SLC38A1: variants seen among roughly 807,000 people sequenced by gnomAD.
The protein encoded by SLC38A1 is sodium-coupled neutral amino acid symporter 1.
SLC38A1 carries 18 observed loss-of-function variants against 60.3 expected under a neutral mutation model. The observed-to-expected ratio is 0.30, with a 90% CI of 0.21 to 0.44. The LOEUF (loss-of-function observed/expected upper bound fraction) is 0.44, where lower values mean the gene tolerates loss of function less well. Among genes scored for constraint, SLC38A1 ranks in the 20% least tolerant of loss-of-function variants. The pLI, the probability that SLC38A1 is intolerant of heterozygous loss-of-function variation, is 1.00. For synonymous variants in SLC38A1, 196 were observed against 212.1 expected (o/e 0.92, Z 0.66); for missense variants, 448 against 587.2 (o/e 0.76, Z 2.45).
intron 2 of SLC38A1, among the ~76,000 whole-genome samples, chr12:46,241,150 G>GT (rs201849000): frequency 2.2e-4 from 34 of 151,942 alleles, no homozygotes; most frequent in South Asian, 4.1e-4. Flanking sequence ...CAATGAGCTG[G>GT]TTTTTTTTAA....
At chr12:46,215,113 C>T (rs1469012679) in intron 5 of SLC38A1, among the ~76,000 whole-genome samples, 2 of 152,172 alleles carry the variant, frequency 1.3e-5, no homozygotes, top group Non-Finnish European at 2.9e-5. Context: ...GTCCACTGAC[C>T]TCCCTGGAAG....
chr12:46,211,409 T>C (rs1458702605), intron 5 of SLC38A1, among the ~76,000 whole-genome samples: 1 of 152,046 alleles, frequency 6.6e-6, no homozygotes, highest in African/African-American at 2.4e-5. Flanking sequence ...GGGATAATTA[T>C]GAATATCTAC....
chr12:46,205,152 T>C (rs902230624), intron 9 of SLC38A1, among the ~76,000 whole-genome samples: 1 of 152,176 alleles, frequency 6.6e-6, no homozygotes, highest in African/African-American at 2.4e-5. Context: ...ATTGCTACCA[T>C]GACCTCCAGA....
Position 46,197,771 on chromosome 12 carries a change from A to C in SLC38A1, c.1311T>G (p.Leu437=), listed in dbSNP as rs1208797116. 1 of 1,602,374 alleles carries C rather than the reference A, an allele frequency of 6.2e-7. No homozygotes were observed. The highest frequency in any genetic ancestry group is 8.5e-7 in the Non-Finnish European group (1 of 1,177,052). ...NMLIFILPSS[L]YLKITDQDGD... is the part of the protein sequence containing the mutation. ...CATCCTGGTCTGTGATTTTTAAATA[A>C]AGAGATGAAGGAAGAATGAAAATAA... is the stretch of plus-strand genomic sequence containing the variant. The change falls in exon 16 of 17, where the codon CTT becomes CTG. Residue 437 remains leucine (L), a synonymous_variant. Coordinates refer to ENST00000398637, the MANE Select transcript of SLC38A1 (RefSeq NM_030674.4).
chr12:46,193,459 G>C (rs1939230454), intron 16 of SLC38A1, among the ~76,000 whole-genome samples: 1 of 152,192 alleles, frequency 6.6e-6, no homozygotes, highest in Non-Finnish European at 1.5e-5. Flanking sequence ...GCTTGGTGCA[G>C]AGCTGAGTTC....
chr12:46,240,737 A>T (rs1470799474), intron 2 of SLC38A1, among the ~76,000 whole-genome samples: 1 of 152,222 alleles, frequency 6.6e-6, no homozygotes, highest in Non-Finnish European at 1.5e-5. Flanking sequence ...AGATTAAATC[A>T]ATCTCTTCAA....
chr12:46,188,939 C>T lies in SLC38A1; in HGVS notation c.*31G>A. On this transcript the variant is annotated 3_prime_UTR_variant, in exon 17 of 17. Coordinates refer to ENST00000398637, the MANE Select transcript of SLC38A1 (RefSeq NM_030674.4). ...ATGTGTGGGGACTTGACTGAGCAGA[C>T]AACAGGGATGTTTCTTTTTCTCGGC... 6.3e-7 allele frequency: 1 copy of T among 1,584,524 alleles called. No individual in the cohort carries two copies. The highest frequency in any genetic ancestry group is 8.7e-7 in the Non-Finnish European group (1 of 1,155,164).
chr12:46,202,897 G>T, intron 12 of SLC38A1, 113 bp downstream of exon 12: 1 of 674,854 alleles, frequency 1.5e-6, no homozygotes, highest in Non-Finnish European at 2.6e-6. Flanking sequence ...GTTGAAGCTG[G>T]GTGATGAATC....
At position 46,186,769 on chromosome 12, in the gene SLC38A1, C is replaced by A. The variant is rs893011864; in HGVS notation, c.*2201G>T. On this transcript the variant is annotated 3_prime_UTR_variant, in exon 17 of 17. Coordinates refer to ENST00000398637, the MANE Select transcript of SLC38A1 (RefSeq NM_030674.4). ...CCAGAGGCCCAAAAATATCACTACA[C>A]ATCCCAGTTAATGATAAGGTTCTAA... 2 of 152,202 alleles carry A rather than the reference C, an allele frequency of 1.3e-5. No individual in the cohort carries two copies. Among genetic ancestry groups the A allele is most frequent in the Non-Finnish European group, 2.9e-5 (2 of 68,042 alleles). The allele number at this position is 152,202 out of a possible 1,614,324, so 9.4% of individuals were successfully genotyped here.
intron 5 of SLC38A1, among the ~76,000 whole-genome samples, chr12:46,220,178 G>T (rs1326713934): frequency 6.6e-6 from 1 of 152,168 alleles, no homozygotes; most frequent in African/African-American, 2.4e-5. Flanking sequence ...CCCTATTTCT[G>T]AAAAGCTTCT....
intron 16 of SLC38A1, among the ~76,000 whole-genome samples, chr12:46,194,584 T>C (rs1182288722): frequency 6.6e-6 from 1 of 152,238 alleles, no homozygotes; most frequent in African/African-American, 2.4e-5. Flanking sequence ...AAACGTATAT[T>C]TGGTCTTTTC....
rs866255548 is a variant in SLC38A1, at chr12:46,184,241, C to T, written c.*4729G>A. 1.2e-4 allele frequency: 19 copies of T among 152,220 alleles called. No homozygotes were observed. Among genetic ancestry groups the T allele is most frequent in the African/African-American group, 4.3e-4 (18 of 41,438 alleles). The allele number at this position is 152,220 out of a possible 1,614,324, so 9.4% of individuals were successfully genotyped here. ...TTAGACACCCCACCTTCAGCTTGTA[C>T]CTGAAAGCTTTATCTCGTTATAAAT... On this transcript the variant is annotated 3_prime_UTR_variant, in exon 17 of 17. Transcript: ENST00000398637.
At position 46,204,537 on chromosome 12, in the gene SLC38A1, T is replaced by A; in HGVS notation, c.700A>T (p.Ile234Phe). The change falls in exon 10 of 17, where the codon ATT (isoleucine) becomes TTT (phenylalanine). Residue 234 changes from isoleucine (I) to phenylalanine (F), a missense_variant. Physicochemically the swap from Ile to Phe is conservative, Grantham distance 21. Coordinates refer to ENST00000398637, the MANE Select transcript of SLC38A1 (RefSeq NM_030674.4). The part of the protein sequence containing the change: ...FSLSCMVFFL[I>F]VVIYKKFQIP... The stretch of plus-strand genomic sequence containing the variant: ...CCATTGCAATCAGCACTTACCACAA[T>A]TAGGAAAAAAACCATACAGCTCAAG... The A allele has an allele frequency of 6.2e-7, 1 of 1,612,326 alleles. No homozygotes were observed.
chr12:46,192,654 G>T (rs1939193575), intron 16 of SLC38A1, among the ~76,000 whole-genome samples: 1 of 152,122 alleles, frequency 6.6e-6, no homozygotes. Context: ...TCCTGGTTTA[G>T]TCTTGGGAGG....
At chr12:46,245,796 A>G (rs893410081) in intron 1 of SLC38A1, among the ~76,000 whole-genome samples, 1 of 152,172 alleles carries the variant, frequency 6.6e-6, no homozygotes, top group South Asian at 2.1e-4. Flanking sequence ...TCTTCAGAAC[A>G]GATATTGTAA....
intron 1 of SLC38A1, among the ~76,000 whole-genome samples, chr12:46,253,424 A>C (rs991320944): frequency 1.3e-5 from 2 of 152,202 alleles, no homozygotes; most frequent in Non-Finnish European, 2.9e-5. Flanking sequence ...AAAGTGGATT[A>C]TTCATGCCTC....
At chr12:46,264,864 C>T (rs1316445558) in intron 1 of SLC38A1, among the ~76,000 whole-genome samples, 2 of 152,190 alleles carry the variant, frequency 1.3e-5, no homozygotes, top group Non-Finnish European at 2.9e-5. Flanking sequence ...ACACATTCTT[C>T]AAAGTACTTC....
chr12:46,195,445 C>T (rs991966054), intron 16 of SLC38A1, among the ~76,000 whole-genome samples: 1 of 152,148 alleles, frequency 6.6e-6, no homozygotes, highest in Non-Finnish European at 1.5e-5. Context: ...AGCTCGAATG[C>T]CATGCTGAGA....
Position 46,210,133 on chromosome 12 carries a change from C to G in SLC38A1, c.315-1006G>C, listed in dbSNP as rs555097716. ...CGTGGGCTGCTTCCTCCTGGCCCTT[C>G]CCCCTCCCAGCACACCTGTTGAAGG... On this transcript the variant is annotated intron_variant, in intron 5 of 16. Coordinates refer to ENST00000398637, the MANE Select transcript of SLC38A1 (RefSeq NM_030674.4). Among the ~76,000 whole-genome samples the G allele has an allele frequency of 1.4e-4, 22 of 152,294 alleles. No homozygotes were observed. In the South Asian group the frequency reaches 3.7e-3, roughly 26 times the overall value.
Sources: allele counts gnomAD v4.1 joint callset (sites outside exome capture counted in the v4.1 genomes callset), GRCh38; gene constraint gnomAD v4.1.1; transcripts MANE v1.5; gene names NCBI Gene and HGNC (gene_info 2026-07-23, HGNC 2026-07-21).